Variants in MAP2K5 observed in about 807,000 individuals in gnomAD.
MAP2K5 encodes the protein dual specificity mitogen-activated protein kinase kinase 5.
Under a neutral mutation model 83.1 loss-of-function variants are expected in MAP2K5, and 49 were observed. The ratio of observed to expected loss-of-function variants is 0.59; its 90% CI spans 0.47 to 0.75. The LOEUF is 0.75. Among genes scored for constraint, MAP2K5 ranks in the 30% least tolerant of loss-of-function variants. The probability of loss-of-function intolerance (pLI) is 0.00; values close to 1 mark genes in which losing one functional copy is unlikely to be tolerated. For synonymous variants in MAP2K5, 202 were observed against 191.8 expected (o/e 1.05, Z -0.44); for missense variants, 457 against 557.5 (o/e 0.82, Z 1.82).
intron 8 of MAP2K5, among the ~76,000 whole-genome samples, chr15:67,604,974 T>C (rs1053669880): frequency 6.6e-6 from 1 of 152,166 alleles, no homozygotes; most frequent in African/African-American, 2.4e-5. Flanking sequence ...TATTAAATGT[T>C]AACTACTGGT....
In MAP2K5 at chr15:67,782,113, G is replaced by T. The variant is rs2090337705; in HGVS notation, c.1242+9361G>T. Among the ~76,000 whole-genome samples, 1 of 152,176 alleles carries T rather than the reference G, an allele frequency of 6.6e-6. No individual in the cohort carries two copies. Among genetic ancestry groups the T allele is most frequent in the South Asian group, 2.1e-4 (1 of 4,824 alleles). ...GGAAGAGCCTTTTAGCACCTTTGTT[G>T]TAGCCATCCCTGGTGATGATTGGGC... On this transcript the variant is annotated intron_variant, in intron 21 of 21. Transcript: ENST00000178640. The surrounding 1 kb of genome is among the most constrained non-coding windows in gnomAD (Gnocchi z 4.9).
At chr15:67,584,580 C>T (rs1024473969) in intron 4 of MAP2K5, among the ~76,000 whole-genome samples, 10 of 149,292 alleles carry the variant, frequency 6.7e-5, no homozygotes, top group African/African-American at 2.2e-4. Flanking sequence ...GATATATTTT[C>T]TAGGAAAAAT....
chr15:67,686,226 C>T lies in MAP2K5; in HGVS notation c.848-6253C>T, dbSNP rs1243561896. ...TGTCAAACTGTATAAAAGAACAAGACACAACTGTACAGTGTTTGCAGGACA... is the reference window on the plus strand; with the variant it reads ...TGTCAAACTGTATAAAAGAACAAGATACAACTGTACAGTGTTTGCAGGACA... On this transcript the variant is annotated intron_variant, in intron 13 of 21. Transcript: ENST00000178640. Among the ~76,000 whole-genome samples the T allele has an allele frequency of 3.9e-5, 6 of 152,124 alleles. No individual in the cohort carries two copies. The East Asian group carries it at 9.6e-4, about 24-fold the overall frequency.
In MAP2K5 at chr15:67,734,351, C is replaced by T. The variant is rs148177848; in HGVS notation, c.1074+6406C>T. 1.6e-4 allele frequency among the ~76,000 whole-genome samples: 25 copies of T among 152,160 alleles called. No homozygotes were observed. The East Asian group carries it at 4.0e-3, about 25-fold the overall frequency. ...TATTTTGTTTAACTTGGCTTGGAAA[C>T]GTGCTATTTTAATGTGTTTTGTTTT... On this transcript the variant is annotated intron_variant, in intron 17 of 21. Transcript: ENST00000178640.
chr15:67,710,100 G>A (rs1038564657), intron 16 of MAP2K5, among the ~76,000 whole-genome samples: 1 of 152,096 alleles, frequency 6.6e-6, no homozygotes, highest in Non-Finnish European at 1.5e-5. Flanking sequence ...GGGTTCAAGC[G>A]ATCCTCCCTC....
At chr15:67,590,434 T>TCC (rs2085376204) in intron 6 of MAP2K5, among the ~76,000 whole-genome samples, 1 of 69,966 alleles carries the variant, frequency 1.4e-5, no homozygotes, top group Non-Finnish European at 2.7e-5. Flanking sequence ...TCCCTCTCTC[T>TCC]CTCCCTCCCT....
intron 8 of MAP2K5, among the ~76,000 whole-genome samples, chr15:67,618,733 C>A (rs576322954): frequency 6.6e-6 from 1 of 152,310 alleles, no homozygotes; most frequent in African/African-American, 2.4e-5. Flanking sequence ...ACCCACAAAT[C>A]TTGTGGGTTC....
chr15:67,670,395 T>C (rs889587641), intron 13 of MAP2K5: 1 of 455,532 alleles, frequency 2.2e-6, no homozygotes, highest in Non-Finnish European at 4.4e-6. Flanking sequence ...TTTGTGGTAG[T>C]TACATGGTTA....
At chr15:67,716,898 T>C (rs2088838870) in intron 16 of MAP2K5, among the ~76,000 whole-genome samples, 1 of 152,190 alleles carries the variant, frequency 6.6e-6, no homozygotes, top group African/African-American at 2.4e-5. Context: ...ATCAGCAACT[T>C]GAGGCACCAA....
chr15:67,597,008 A>T (rs993117422), intron 7 of MAP2K5, among the ~76,000 whole-genome samples: 34 of 151,782 alleles, frequency 2.2e-4, no homozygotes, highest in Non-Finnish European at 2.6e-4. Context: ...CATCTCTATT[A>T]AAAAAATACA....
chr15:67,634,384 A>AT (rs1567324823), intron 9 of MAP2K5, among the ~76,000 whole-genome samples: 6 of 72,724 alleles, frequency 8.3e-5, no homozygotes, highest in Non-Finnish European at 1.4e-4. Context: ...AAAAAAAAAA[A>AT]AAAAAAAAAA....
intron 11 of MAP2K5, 66 bp from the exon 12 acceptor site, chr15:67,658,487 A>G: frequency 8.1e-7 from 1 of 1,238,304 alleles, no homozygotes; most frequent in South Asian, 1.2e-5. Context: ...GTGAACACAC[A>G]GGAGAAGCCC....
chr15:67,779,046 T>C lies in MAP2K5; in HGVS notation c.1242+6294T>C, dbSNP rs1050004417. Among the ~76,000 whole-genome samples the C allele has an allele frequency of 1.3e-5, 2 of 152,226 alleles. No homozygotes were observed. The highest frequency in any genetic ancestry group is 4.8e-5 in the African/African-American group (2 of 41,464). ...CCACTCATTCTTGTAAACATCATTT[T>C]GTTTTCAGTTGTTCATTTGGAAGTA... On this transcript the variant is annotated intron_variant, in intron 21 of 21. Transcript: ENST00000178640. This position sits in a 1 kb window ranked among gnomAD's most constrained non-coding sequence, Gnocchi z 4.6.
At chr15:67,715,645 T>A (rs963625171) in intron 16 of MAP2K5, among the ~76,000 whole-genome samples, 3 of 151,822 alleles carry the variant, frequency 2.0e-5, no homozygotes, top group African/African-American at 4.8e-5. Context: ...ATTTGAAATT[T>A]AAAAAAAAGC....
rs55966838 is a variant in MAP2K5 at position 67,692,480 on chromosome 15, C to T, written c.849C>T (p.Asp283=). ...YLWSLKILHR[D]VKPSNMLVNT... ...TGGCCTTTTCTGGTCCCTTTTTAGA[C>T]GTGAAGCCCTCCAATATGCTAGTAA... is the stretch of plus-strand genomic sequence containing the variant. Residue 283 remains aspartate (D), a splice_region_variant and synonymous_variant, in exon 14 of 22, where the codon GAC becomes GAT. Transcript: ENST00000178640. 17,083 of 1,612,470 alleles carry T rather than the reference C, an allele frequency of 0.011. 122 individuals carry two copies. Among genetic ancestry groups the T allele is most frequent in the Non-Finnish European group, 0.013 (15,326 of 1,178,702 alleles).
At chr15:67,728,002 G>A (rs2089138602) in intron 17 of MAP2K5, 57 bp downstream of exon 17, 3 of 1,398,506 alleles carry the variant, frequency 2.1e-6, no homozygotes, top group Non-Finnish European at 3.1e-6. Flanking sequence ...ATGTATGAAG[G>A]TGCAGGGAGC....
At chr15:67,544,614 C>T (rs1041049896) in intron 1 of MAP2K5, among the ~76,000 whole-genome samples, 10 of 152,158 alleles carry the variant, frequency 6.6e-5, no homozygotes, top group African/African-American at 2.4e-4. Flanking sequence ...TTGAGATAGA[C>T]AGGGTGCCTT....
chr15:67,791,245 A>G (rs527243612), intron 21 of MAP2K5, among the ~76,000 whole-genome samples: 1 of 152,312 alleles, frequency 6.6e-6, no homozygotes, highest in Non-Finnish European at 1.5e-5. Context: ...AAACAGGAAA[A>G]GGGGCATTGG....
chr15:67,613,056 A>G (rs2085967110), intron 8 of MAP2K5, among the ~76,000 whole-genome samples: 1 of 152,172 alleles, frequency 6.6e-6, no homozygotes, highest in South Asian at 2.1e-4. Flanking sequence ...CAATTCCCCA[A>G]TCATCTTTTA....
Sources: allele counts gnomAD v4.1 joint callset (sites outside exome capture counted in the v4.1 genomes callset), GRCh38; gene constraint gnomAD v4.1.1; non-coding constraint Gnocchi (gnomAD v3.1); transcripts MANE v1.5; gene names NCBI Gene and HGNC (gene_info 2026-07-23, HGNC 2026-07-21).